PCGF6: variants seen among roughly 807,000 people sequenced by gnomAD.
PCGF6 encodes the protein polycomb group RING finger protein 6.
A neutral mutation model predicts 45.5 loss-of-function variants in PCGF6; 24 were observed. That is an observed-to-expected ratio of 0.53 (90% CI 0.38 to 0.74). PCGF6 has a LOEUF of 0.74. PCGF6 is among the 30% of genes least tolerant of loss of function. PCGF6 has a pLI of 0.00. For missense variants in PCGF6, 356 were observed against 443.2 expected, an observed-to-expected ratio of 0.80 and a Z score of 1.77; for synonymous variants, 152 against 162.1, an observed-to-expected ratio of 0.94 and a Z score of 0.47.
chr10:103,318,164 T>C (rs1247638832), intron 8 of PCGF6, among the ~76,000 whole-genome samples: 1 of 147,582 alleles, frequency 6.8e-6, no homozygotes, highest in Non-Finnish European at 1.5e-5. Flanking sequence ...TGGGATCAAC[T>C]GGGTGCGGTG....
chr10:103,348,000 AT>A (rs200346904), intron 3 of PCGF6, among the ~76,000 whole-genome samples: 1 of 10,066 alleles, frequency 9.9e-5, no homozygotes, highest in Admixed American at 2.5e-3. Flanking sequence ...TACTGTTAGT[AT>A]TTTTCCCTCT....
intron 8 of PCGF6, among the ~76,000 whole-genome samples, chr10:103,316,015 GA>G (rs2093174995): frequency 1.0e-5 from 1 of 97,446 alleles, no homozygotes; most frequent in African/African-American, 3.9e-5. Context: ...TATATATATA[GA>G]GAGAGAGAGA....
At chr10:103,319,842 T>C (rs1279416791) in intron 8 of PCGF6, among the ~76,000 whole-genome samples, 1 of 152,152 alleles carries the variant, frequency 6.6e-6, no homozygotes. Context: ...AGTCTTGCTC[T>C]GTCGCCAGGC....
At chr10:103,309,559 A>G (rs1465793780) in intron 9 of PCGF6, among the ~76,000 whole-genome samples, 2 of 152,184 alleles carry the variant, frequency 1.3e-5, no homozygotes, top group African/African-American at 4.8e-5. Context: ...TAAATCACCC[A>G]GTCTCAGGTA....
intron 7 of PCGF6, among the ~76,000 whole-genome samples, chr10:103,328,592 C>T (rs1235151462): frequency 6.6e-6 from 1 of 152,056 alleles, no homozygotes; most frequent in African/African-American, 2.4e-5. Flanking sequence ...AAAAATAGCA[C>T]CTGCTTCATA....
chr10:103,322,896 C>CA lies in PCGF6; in HGVS notation c.909+3637dup, dbSNP rs1177739851. The stretch of plus-strand genomic sequence containing the variant: ...TTGCCACCAAAAAAAAAACAAAAAA[C>CA]AAAAAACAAAAAAAAAAACAACCCA... On this transcript the variant is annotated intron_variant, in intron 8 of 9. Transcript: ENST00000369847. Among the ~76,000 whole-genome samples, 54 of 145,468 alleles carry CA rather than the reference C, an allele frequency of 3.7e-4. 1 individual carries two copies. Among genetic ancestry groups the CA allele is most frequent in the Admixed American group, 1.9e-3 (28 of 14,560 alleles).
At chr10:103,309,816 T>C (rs2093150328) in intron 9 of PCGF6, among the ~76,000 whole-genome samples, 1 of 152,032 alleles carries the variant, frequency 6.6e-6, no homozygotes, top group Non-Finnish European at 1.5e-5. Context: ...CTGTAACGTC[T>C]GTTGTCCCAG....
intron 8 of PCGF6, among the ~76,000 whole-genome samples, chr10:103,322,175 G>A (rs551122363): frequency 6.6e-6 from 1 of 151,880 alleles, no homozygotes; most frequent in Admixed American, 6.6e-5. Context: ...GGATTACAGG[G>A]TGAGCCACCT....
intron 9 of PCGF6, among the ~76,000 whole-genome samples, chr10:103,308,514 T>G (rs1479185884): frequency 6.0e-5 from 9 of 150,754 alleles, no homozygotes; most frequent in Non-Finnish European, 1.0e-4. Context: ...TTCTCCTACC[T>G]CAGCCTCCCA....
intron 7 of PCGF6, 65 bp from the exon 8 acceptor site, chr10:103,326,697 GTA>G: frequency 1.8e-6 from 2 of 1,121,918 alleles, no homozygotes; most frequent in South Asian, 3.2e-5. Flanking sequence ...TGACGTATGT[GTA>G]TATATATGTA....
In PCGF6 at chr10:103,326,496, C is replaced by A. The variant is rs770457009; in HGVS notation, c.909+38G>T. 9.5e-6 allele frequency: 13 copies of A among 1,366,702 alleles called. No homozygotes were observed. In the East Asian group the frequency reaches 2.6e-4, roughly 27 times the overall value. The allele number at this position is 1,366,702 out of a possible 1,614,324, so 84.7% of individuals were successfully genotyped here. Reference sequence around the variant, plus strand: ...TTCTACAGTGTGCTAAAGGTAAGCTCACAACTTTACCTATTCTTTTACATA... The same window carrying A: ...TTCTACAGTGTGCTAAAGGTAAGCTAACAACTTTACCTATTCTTTTACATA... On this transcript the variant is annotated intron_variant, in intron 8 of 9. Coordinates refer to ENST00000369847, the MANE Select transcript of PCGF6 (RefSeq NM_001011663.2).
intron 8 of PCGF6, among the ~76,000 whole-genome samples, chr10:103,324,680 A>G (rs2093210246): frequency 6.6e-6 from 1 of 150,936 alleles, no homozygotes; most frequent in Non-Finnish European, 1.5e-5. Context: ...GAATCACTTG[A>G]ACCCGGGAGG....
intron 8 of PCGF6, among the ~76,000 whole-genome samples, chr10:103,322,329 A>G (rs2093200585): frequency 6.6e-6 from 1 of 152,058 alleles, no homozygotes; most frequent in Admixed American, 6.6e-5. Flanking sequence ...AGGAGCTAGG[A>G]CTACTAGGAT....
intron 7 of PCGF6, among the ~76,000 whole-genome samples, chr10:103,332,949 T>C (rs1047250801): frequency 6.6e-6 from 1 of 152,096 alleles, no homozygotes; most frequent in Admixed American, 6.6e-5. Context: ...ACACCGTCTC[T>C]ACTAAAAATG....
At chr10:103,304,040 C>CT (rs899784202) in intron 9 of PCGF6, 79 bp from the exon 10 acceptor site, 57 of 1,186,560 alleles carry the variant, frequency 4.8e-5, no homozygotes, top group African/African-American at 1.2e-4. Flanking sequence ...AGCTGGCTTA[C>CT]TTTTTTTTAA....
At chr10:103,309,758 C>T (rs2093150067) in intron 9 of PCGF6, among the ~76,000 whole-genome samples, 1 of 151,870 alleles carries the variant, frequency 6.6e-6, no homozygotes, top group African/African-American at 2.4e-5. Flanking sequence ...GGCAAAACCC[C>T]ATCTCTACAA....
chr10:103,312,111 C>T (rs1407402030), intron 9 of PCGF6, among the ~76,000 whole-genome samples: 4 of 127,078 alleles, frequency 3.1e-5, no homozygotes, highest in South Asian at 2.6e-4. Flanking sequence ...AAAAAAGTCA[C>T]GGTTGGGCAT....
chr10:103,334,157 G>A (rs1257962217), intron 6 of PCGF6, among the ~76,000 whole-genome samples: 4 of 151,976 alleles, frequency 2.6e-5, no homozygotes, highest in African/African-American at 9.7e-5. Flanking sequence ...CAGTATTTTA[G>A]TCTACTTTCT....
chr10:103,343,115 A>C (rs996988528), intron 6 of PCGF6, among the ~76,000 whole-genome samples: 3 of 151,946 alleles, frequency 2.0e-5, no homozygotes, highest in Admixed American at 1.3e-4. Context: ...TTTTTAGTAG[A>C]GACGGGGTTT....
Sources: gnomAD v4.1 joint callset for allele counts (sites outside exome capture counted in the v4.1 genomes callset) on GRCh38, gnomAD v4.1.1 for gene constraint, MANE v1.5 for transcripts, NCBI Gene and HGNC (gene_info 2026-07-23, HGNC 2026-07-21) for gene names.